RAB38: variants seen among roughly 807,000 people sequenced by gnomAD.
RAB38 encodes the protein ras-related protein Rab-38.
A neutral mutation model predicts 18.4 loss-of-function variants in RAB38; 15 were observed. The observed-to-expected ratio is 0.82, with a 90% CI of 0.55 to 1.26. The LOEUF (loss-of-function observed/expected upper bound fraction) is 1.26. RAB38 is among the 50% of genes most tolerant of loss of function. The pLI, the probability that RAB38 is intolerant of heterozygous loss-of-function variation, is 0.00. For missense variants in RAB38, 294 were observed against 267.4 expected (o/e 1.10, Z -0.69); for synonymous variants, 101 against 104.4 (o/e 0.97, Z 0.20).
chr11:87,951,591 C>CTGTT, the RAB38 span, among the ~76,000 whole-genome samples: 1 of 151,936 alleles, frequency 6.6e-6, no homozygotes, highest in African/African-American at 2.4e-5. Context: ...GATGTCCTTT[C>CTGTT]TGTTTGTTAG....
chr11:88,166,571 T>C (rs1397930912), intron 1 of RAB38: 6 of 152,126 alleles, frequency 3.9e-5, no homozygotes, highest in Admixed American at 3.9e-4. Context: ...AGGGTTTTAA[T>C]TCTGTAAAAT....
the RAB38 span, among the ~76,000 whole-genome samples, chr11:87,975,734 G>GTATATATAATATACT: frequency 6.6e-6 from 1 of 151,652 alleles, no homozygotes; most frequent in Middle Eastern, 3.2e-3. Context: ...AATTAAGGAA[G>GTATATATAATATACT]TATGTTATAA....
chr11:88,009,143 T>A, the RAB38 span, among the ~76,000 whole-genome samples: 1 of 152,122 alleles, frequency 6.6e-6, no homozygotes, highest in Admixed American at 6.5e-5. Flanking sequence ...GAAACTGAAA[T>A]TAGGTAATTT....
chr11:88,117,924 A>T (rs1942578276), intron 2 of RAB38, among the ~76,000 whole-genome samples: 1 of 152,242 alleles, frequency 6.6e-6, no homozygotes, highest in Non-Finnish European at 1.5e-5. Context: ...AGAAGAACAC[A>T]ATGTGTGTGT....
the RAB38 span, among the ~76,000 whole-genome samples, chr11:87,905,393 T>G: frequency 6.6e-6 from 1 of 151,760 alleles, no homozygotes; most frequent in Non-Finnish European, 1.5e-5. Context: ...GGGCATATAT[T>G]CCTGTGTCTT....
chr11:87,883,421 T>A, the RAB38 span, among the ~76,000 whole-genome samples: 2 of 151,954 alleles, frequency 1.3e-5, no homozygotes, highest in Non-Finnish European at 2.9e-5. Context: ...AGCCACAGTT[T>A]CTTTATCTGC....
chr11:88,069,369 C>T, the RAB38 span, among the ~76,000 whole-genome samples: 69 of 152,338 alleles, frequency 4.5e-4, no homozygotes, highest in African/African-American at 1.5e-3. Flanking sequence ...GCCTCCCCGA[C>T]GGGCACCAAC....
At chr11:87,913,503 T>C in the RAB38 span, among the ~76,000 whole-genome samples, 3 of 152,166 alleles carry the variant, frequency 2.0e-5, no homozygotes, top group East Asian at 5.8e-4. Context: ...TTGTGTAATA[T>C]GAATATAGTC....
the RAB38 span, among the ~76,000 whole-genome samples, chr11:88,014,091 T>A: frequency 1.3e-5 from 2 of 152,150 alleles, no homozygotes; most frequent in Non-Finnish European, 2.9e-5. Flanking sequence ...CTCTCCAGTA[T>A]CAAATAGTCA....
At chr11:88,084,454 CAAGAA>C in the RAB38 span, among the ~76,000 whole-genome samples, 1 of 151,724 alleles carries the variant, frequency 6.6e-6, no homozygotes, top group South Asian at 2.1e-4. Context: ...ACTGCTACTA[CAAGAA>C]AAGAAGGAAA....
At chr11:88,069,918 T>G in the RAB38 span, among the ~76,000 whole-genome samples, 1 of 152,138 alleles carries the variant, frequency 6.6e-6, no homozygotes, top group Non-Finnish European at 1.5e-5. Flanking sequence ...GCTCAGGGAT[T>G]GTAAACGCAC....
chr11:88,024,237 C>T, the RAB38 span, among the ~76,000 whole-genome samples: 8 of 152,110 alleles, frequency 5.3e-5, no homozygotes, highest in East Asian at 9.6e-4. Flanking sequence ...TTTGAATAGA[C>T]ATTTCTCAAA....
the RAB38 span, among the ~76,000 whole-genome samples, chr11:87,893,390 A>ATATATATATATATATATATTTTTTTT: frequency 1.6e-4 from 15 of 93,886 alleles, no homozygotes; most frequent in Admixed American, 4.4e-4. Flanking sequence ...ATATATATAT[A>ATATATATATATATATATATTTTTTTT]TTTTTTTTTT....
the RAB38 span, among the ~76,000 whole-genome samples, chr11:88,075,742 A>T: frequency 6.6e-6 from 1 of 152,002 alleles, no homozygotes; most frequent in Non-Finnish European, 1.5e-5. Context: ...TTAGCCAGGC[A>T]TGGTGGTGCA....
intron 2 of RAB38, among the ~76,000 whole-genome samples, chr11:88,137,005 A>G (rs1200702696): frequency 6.6e-6 from 1 of 152,268 alleles, no homozygotes; most frequent in Non-Finnish European, 1.5e-5. Context: ...GATGGAAAAA[A>G]TAATCAACTA....
At chr11:87,814,235 T>C in the RAB38 span, among the ~76,000 whole-genome samples, 1,270 of 152,294 alleles carry the variant, frequency 8.3e-3, 24 homozygotes, top group African/African-American at 0.028. Context: ...TCCATGTTGA[T>C]GAGGATTAAC....
chr11:88,097,461 A>G, the RAB38 span, among the ~76,000 whole-genome samples: 1 of 151,872 alleles, frequency 6.6e-6, no homozygotes, highest in African/African-American at 2.4e-5. Context: ...AGAAACACAG[A>G]GGAAAGAGTA....
At chr11:88,025,856 T>C in the RAB38 span, among the ~76,000 whole-genome samples, 2 of 152,336 alleles carry the variant, frequency 1.3e-5, no homozygotes, top group South Asian at 2.1e-4. Flanking sequence ...TATTTTGCTG[T>C]GTGGAAGCTC....
the RAB38 span, among the ~76,000 whole-genome samples, chr11:88,074,444 C>T: frequency 6.6e-6 from 1 of 152,098 alleles, no homozygotes; most frequent in African/African-American, 2.4e-5. Context: ...TGTTGATATT[C>T]TTTTCTTTCT....
Sources: allele counts gnomAD v4.1 joint callset (sites outside exome capture counted in the v4.1 genomes callset), GRCh38; gene constraint gnomAD v4.1.1; transcripts MANE v1.5; gene names NCBI Gene and HGNC (gene_info 2026-07-23, HGNC 2026-07-21).